Variants in LY86 observed in about 807,000 individuals in gnomAD.
LY86 encodes lymphocyte antigen 86.
In LY86, 20 loss-of-function variants were observed where a neutral mutation model predicts 17.3. The observed-to-expected ratio is 1.15, with a 90% CI of 0.81 to 1.68. LY86 has a LOEUF of 1.68. Ranked by LOEUF, LY86 falls within the 40% of genes most tolerant of loss-of-function variation. The probability of loss-of-function intolerance (pLI) is 0.00; values close to 1 mark genes in which losing one functional copy is unlikely to be tolerated. For synonymous variants in LY86, 74 were observed against 70.6 expected (o/e 1.05, Z -0.24); for missense variants, 200 against 191.9 (o/e 1.04, Z -0.25).
chr6:6,598,021 C>T (rs1256879000), intron 1 of LY86, among the ~76,000 whole-genome samples: 1 of 152,196 alleles, frequency 6.6e-6, no homozygotes, highest in Non-Finnish European at 1.5e-5. Flanking sequence ...TAGCTGAGAT[C>T]TTTCTTATTC....
rs1762237896 is a variant in LY86, at chr6:6,654,880, A to G, written c.*253A>G. ...AGTCCTTAAGCAGTCTTGAGGGTCCATCCTTTTTCTCTAATTGGTCGCCTC... is the reference window on the plus strand; with the variant it reads ...AGTCCTTAAGCAGTCTTGAGGGTCCGTCCTTTTTCTCTAATTGGTCGCCTC... On this transcript the variant is annotated 3_prime_UTR_variant, in exon 5 of 5. Transcript: ENST00000230568. The G allele has an allele frequency of 2.3e-6, 1 of 439,532 alleles. No homozygotes were observed. The highest frequency in any genetic ancestry group is 3.8e-5 in the East Asian group (1 of 26,252). 27.2% of individuals were successfully genotyped at this position (439,532 alleles called of 1,614,324 possible).
intron 1 of LY86, among the ~76,000 whole-genome samples, chr6:6,612,272 C>T (rs1205775504): frequency 3.9e-5 from 6 of 152,096 alleles, no homozygotes; most frequent in African/African-American, 7.2e-5. Context: ...CAGATGTGTT[C>T]TGAGTTTCTT....
chr6:6,606,028 C>T (rs148256540), intron 1 of LY86, among the ~76,000 whole-genome samples: 16 of 152,306 alleles, frequency 1.1e-4, no homozygotes, highest in Admixed American at 2.6e-4. Flanking sequence ...TTCCACAGCA[C>T]GTAATACTAC....
rs930188162 is a variant in LY86 at position 6,610,330 on chromosome 6, G to T, written c.137-14596G>T. Among the ~76,000 whole-genome samples the T allele has an allele frequency of 8.5e-5, 13 of 152,164 alleles. No homozygotes were observed. In the South Asian group the frequency reaches 1.0e-3, roughly 12 times the overall value. On this transcript the variant is annotated intron_variant, in intron 1 of 4. Coordinates refer to ENST00000230568, the MANE Select transcript of LY86 (RefSeq NM_004271.4). ...GTCTATCATTATTTCAAGATAAAAA[G>T]ATTTTATTTTAAAAAAATGGCCTGA...
chr6:6,596,553 G>A (rs566575447), intron 1 of LY86, among the ~76,000 whole-genome samples: 33 of 152,340 alleles, frequency 2.2e-4, no homozygotes, highest in African/African-American at 7.5e-4. Flanking sequence ...TAGCTAGAGA[G>A]AAAGATGCAA....
At chr6:6,651,186 G>T (rs1223836243) in intron 4 of LY86, among the ~76,000 whole-genome samples, 1 of 152,188 alleles carries the variant, frequency 6.6e-6, no homozygotes, top group East Asian at 1.9e-4. Flanking sequence ...AAGCATGGGG[G>T]TGCAATTACA....
At chr6:6,598,652 G>A (rs915989267) in intron 1 of LY86, among the ~76,000 whole-genome samples, 26 of 152,012 alleles carry the variant, frequency 1.7e-4, no homozygotes, top group African/African-American at 5.3e-4. Context: ...CTCAAGTGAT[G>A]TGCTCTTTAA....
intron 3 of LY86, among the ~76,000 whole-genome samples, chr6:6,632,686 T>A (rs984012570): frequency 3.3e-5 from 5 of 152,218 alleles, no homozygotes; most frequent in African/African-American, 1.2e-4. Flanking sequence ...CTTTCATGGC[T>A]ATGTTGTTCT....
At chr6:6,612,128 A>G (rs1761365841) in intron 1 of LY86, among the ~76,000 whole-genome samples, 1 of 152,174 alleles carries the variant, frequency 6.6e-6, no homozygotes, top group African/African-American at 2.4e-5. Flanking sequence ...AAATCAGCTC[A>G]ACAACTCCTA....
chr6:6,597,232 A>T (rs1365724441), intron 1 of LY86, among the ~76,000 whole-genome samples: 1 of 152,226 alleles, frequency 6.6e-6, no homozygotes, highest in Non-Finnish European at 1.5e-5. Context: ...AGGAAAGCGA[A>T]GGTGGAAGAA....
chr6:6,628,108 T>C (rs1175136833), intron 3 of LY86, among the ~76,000 whole-genome samples: 1 of 152,092 alleles, frequency 6.6e-6, no homozygotes, highest in Non-Finnish European at 1.5e-5. Context: ...ACTGGAGACA[T>C]TTCTGATTAA....
intron 1 of LY86, among the ~76,000 whole-genome samples, chr6:6,605,446 TCA>T (rs1309585463): frequency 6.6e-6 from 1 of 152,218 alleles, no homozygotes; most frequent in Non-Finnish European, 1.5e-5. Context: ...TCATGCCCAC[TCA>T]CAGGGCTGTT....
chr6:6,639,662 T>C (rs1762011089), intron 3 of LY86, among the ~76,000 whole-genome samples: 2 of 152,138 alleles, frequency 1.3e-5, no homozygotes, highest in Non-Finnish European at 2.9e-5. Flanking sequence ...TACCTCCCTC[T>C]TATAAGGACC....
chr6:6,654,296 T>A (rs2113171224), intron 4 of LY86, among the ~76,000 whole-genome samples: 1 of 152,324 alleles, frequency 6.6e-6, no homozygotes, highest in Non-Finnish European at 1.5e-5. Flanking sequence ...ATCCACTCCC[T>A]TCCTGCATGA....
At chr6:6,611,743 T>C (rs530740017) in intron 1 of LY86, among the ~76,000 whole-genome samples, 1 of 152,308 alleles carries the variant, frequency 6.6e-6, no homozygotes, top group East Asian at 1.9e-4. Context: ...TAAGACTAAA[T>C]CACCTTTGTA....
chr6:6,625,925 C>G (rs1031409262), intron 2 of LY86, among the ~76,000 whole-genome samples: 1 of 152,130 alleles, frequency 6.6e-6, no homozygotes. Flanking sequence ...TGTATGTAGG[C>G]GTGACCACAC....
intron 4 of LY86, 64 bp downstream of exon 4, chr6:6,649,741 A>AAGG (rs3062400): frequency 0.72 from 668,917 of 931,378 alleles, 244,838 homozygotes; most frequent in African/African-American, 0.9. Flanking sequence ...AGAAGGCTAG[A>AAGG]AGGAGGGAAA....
chr6:6,612,990 A>G (rs901311763), intron 1 of LY86, among the ~76,000 whole-genome samples: 8 of 152,044 alleles, frequency 5.3e-5, no homozygotes. Context: ...TGTGTTAACA[A>G]TCCTTGAGCT....
Position 6,588,787 on chromosome 6 carries a change from G to A in LY86, c.53G>A (p.Cys18Tyr). Residue 18 changes from cysteine to tyrosine, a missense_variant, in exon 1 of 5, where the codon TGC (cysteine) becomes TAC (tyrosine). Physicochemically the swap from Cys to Tyr is radical, Grantham distance 194. Coordinates refer to ENST00000230568, the MANE Select transcript of LY86 (RefSeq NM_004271.4). ...LFLWTLIFPS[C>Y]SGGGGGKAWP... Reference sequence around the variant, plus strand: ...CTCTGGACTCTGATTTTTCCCAGCTGCAGTGGAGGCGGCGGTGGGAAAGCC... The same window carrying A: ...CTCTGGACTCTGATTTTTCCCAGCTACAGTGGAGGCGGCGGTGGGAAAGCC... 6.2e-7 allele frequency: 1 copy of A among 1,614,192 alleles called. No homozygotes were observed. The highest frequency in any genetic ancestry group is 8.5e-7 in the Non-Finnish European group (1 of 1,180,002).
Sources: allele counts gnomAD v4.1 joint callset (sites outside exome capture counted in the v4.1 genomes callset), GRCh38; gene constraint gnomAD v4.1.1; transcripts MANE v1.5; gene names NCBI Gene and HGNC (gene_info 2026-07-23, HGNC 2026-07-21).